The following XIRP2 variants were observed in gnomAD, a reference collection of about 807,000 sequenced individuals.
XIRP2 encodes xin actin binding repeat containing 2.
Under a neutral mutation model 277.0 loss-of-function variants are expected in XIRP2, and 236 were observed. The observed-to-expected ratio is 0.85, with a 90% CI of 0.77 to 0.95. The LOEUF (loss-of-function observed/expected upper bound fraction) is 0.95, where lower values mean the gene tolerates loss of function less well. XIRP2 is among the 40% of genes least tolerant of loss of function. The pLI is 0.00. For synonymous variants in XIRP2, 1,490 were observed against 1,416.5 expected (o/e 1.05, Z -1.17); for missense variants, 4,640 against 4,157.5 (o/e 1.12, Z -3.19).
intron 2 of XIRP2, among the ~76,000 whole-genome samples, chr2:166,908,756 A>G (rs1684610149): frequency 6.6e-6 from 1 of 152,180 alleles, no homozygotes; most frequent in African/African-American, 2.4e-5. Flanking sequence ...TAGGTCTGAC[A>G]TTTAACTCTT....
chr2:167,033,858 T>G (rs762451305), intron 2 of XIRP2, among the ~76,000 whole-genome samples: 2 of 152,082 alleles, frequency 1.3e-5, no homozygotes, highest in Non-Finnish European at 2.9e-5. Context: ...ACTAGACCAG[T>G]CCTACAGGAA....
chr2:166,900,578 A>G (rs1355417), intron 1 of XIRP2, among the ~76,000 whole-genome samples: 37,659 of 151,886 alleles, frequency 0.25, 4,829 homozygotes, highest in Admixed American at 0.3. Flanking sequence ...TTTATGTTGT[A>G]AAACTCTGCA....
chr2:167,081,921 T>A (rs1689747393), intron 2 of XIRP2, among the ~76,000 whole-genome samples: 1 of 149,768 alleles, frequency 6.7e-6, no homozygotes, highest in Admixed American at 6.8e-5. Flanking sequence ...AATCATACAC[T>A]TATATCCACT....
chr2:167,198,540 A>G (rs1463749303), intron 3 of XIRP2, among the ~76,000 whole-genome samples: 3 of 152,220 alleles, frequency 2.0e-5, no homozygotes, highest in Non-Finnish European at 4.4e-5. Context: ...TTTGGTGAGA[A>G]TAATGGTGTC....
rs770529291 is a variant in XIRP2 at position 167,249,916 on chromosome 2, G to A, written c.8524G>A (p.Glu2842Lys). 7 of 1,613,286 alleles carry A rather than the reference G, an allele frequency of 4.3e-6. No individual in the cohort carries two copies. The South Asian group carries it at 5.5e-5, about 13-fold the overall frequency. The change falls in exon 9 of 11, where the codon GAA becomes AAA. Residue 2842 changes from glutamate (E) to lysine (K), a missense_variant. Physicochemically the swap from Glu to Lys is moderately conservative, Grantham distance 56 (BLOSUM62 1). Transcript: ENST00000409195. Reference sequence around the variant, plus strand: ...GAGATTAATAACTGAAAGAAAACACGAACATCTGAAGAATAAATCAGCACC... The same window carrying A: ...GAGATTAATAACTGAAAGAAAACACAAACATCTGAAGAATAAATCAGCACC... ...EERLITERKH[E>K]HLKNKSAPKV...
rs751674887 is a variant in XIRP2, at chr2:167,218,306, A to G, written c.858+6A>G. 2.0e-6 allele frequency: 3 copies of G among 1,491,316 alleles called. No homozygotes were observed. Among genetic ancestry groups the G allele is most frequent in the South Asian group, 2.9e-5 (2 of 69,616 alleles). 92.4% of individuals were successfully genotyped at this position (1,491,316 alleles called of 1,614,324 possible). A position where few individuals can be genotyped will look rare whatever the true frequency, so the allele number is the denominator to read the frequency against. On this transcript the variant is annotated splice_donor_region_variant and intron_variant, in intron 5 of 10. Coordinates refer to ENST00000409195, the MANE Select transcript of XIRP2 (RefSeq NM_152381.6). ...ATCAGAACAGATCTGAGCAGGTAAT[A>G]CTACTACAGGTGATGGGTAAATCAG...
chr2:167,154,251 G>T (rs1480194794), intron 3 of XIRP2, among the ~76,000 whole-genome samples: 1 of 149,252 alleles, frequency 6.7e-6, no homozygotes, highest in Non-Finnish European at 1.5e-5. Context: ...TTTTTGATGG[G>T]GTTGTTTGTT....
chr2:167,034,814 G>T (rs1688467255), intron 2 of XIRP2, among the ~76,000 whole-genome samples: 2 of 152,174 alleles, frequency 1.3e-5, no homozygotes, highest in South Asian at 4.1e-4. Context: ...TAAAGAGATT[G>T]ACCTGATATG....
At chr2:167,108,559 T>C (rs924690620) in intron 2 of XIRP2, among the ~76,000 whole-genome samples, 9 of 152,228 alleles carry the variant, frequency 5.9e-5, no homozygotes, top group Middle Eastern at 3.4e-3. Flanking sequence ...TTCAGTTGAA[T>C]GTATTTTTTA....
chr2:167,248,055 T>G lies in XIRP2; in HGVS notation c.6663T>G (p.Asn2221Lys). The G allele has an allele frequency of 3.1e-6, 5 of 1,613,582 alleles. 1 individual carries two copies. In the South Asian group the frequency reaches 5.5e-5, roughly 18 times the overall value. Residue 2221 changes from asparagine (N) to lysine (K), a missense_variant, in exon 9 of 11, where the codon AAT (asparagine) becomes AAG (lysine). Physicochemically the swap from Asn to Lys is moderately conservative, Grantham distance 94 (BLOSUM62 0). Coordinates refer to ENST00000409195, the MANE Select transcript of XIRP2 (RefSeq NM_152381.6). ...QLLPVEQDTS[N>K]VTEMKVSEKS... ...TGCCTGTAGAGCAAGACACATCCAA[T>G]GTAACAGAAATGAAAGTCTCTGAAA...
rs751722160 is a variant in XIRP2 at position 167,246,346 on chromosome 2, G to C, written c.4954G>C (p.Glu1652Gln). 6.2e-7 allele frequency: 1 copy of C among 1,612,746 alleles called. No homozygotes were observed. Among genetic ancestry groups the C allele is most frequent in the African/African-American group, 1.3e-5 (1 of 74,778 alleles). ...NRSTEFHAEK[E>Q]EIVKGDVQQA... ...ATCAACTGAATTTCATGCTGAAAAAGAAGAGATAGTGAAAGGTGATGTACA... is the reference window on the plus strand; with the variant it reads ...ATCAACTGAATTTCATGCTGAAAAACAAGAGATAGTGAAAGGTGATGTACA... Residue 1652 changes from glutamate (E) to glutamine (Q), a missense_variant, in exon 9 of 11, where the codon GAA (glutamate) becomes CAA (glutamine). By Grantham distance (29) the Glu-to-Gln change is conservative. Coordinates refer to ENST00000409195, the MANE Select transcript of XIRP2 (RefSeq NM_152381.6).
chr2:167,251,133 T>C lies in XIRP2; in HGVS notation c.9741T>C (p.Ala3247=). 6.2e-7 allele frequency: 1 copy of C among 1,613,506 alleles called. No individual in the cohort carries two copies. The highest frequency in any genetic ancestry group is 1.3e-5 in the African/African-American group (1 of 74,994). The change falls in exon 9 of 11, where the codon GCT becomes GCC. Residue 3247 remains alanine, a synonymous_variant. Transcript: ENST00000409195. Reference sequence around the variant, plus strand: ...CAATACCAGTAAATATAAATCATGCTGCTAGTGGTTCCTTCAGAGAATCTG... The same window carrying C: ...CAATACCAGTAAATATAAATCATGCCGCTAGTGGTTCCTTCAGAGAATCTG... ...TITIPVNINH[A]ASGSFRESVD... is the part of the protein sequence containing the mutation.
In XIRP2 at chr2:167,251,633, C is replaced by T; in HGVS notation, c.10241C>T (p.Ser3414Phe). 1.2e-6 allele frequency: 2 copies of T among 1,613,492 alleles called. No individual in the cohort carries two copies. Among genetic ancestry groups the T allele is most frequent in the Non-Finnish European group, 1.7e-6 (2 of 1,179,642 alleles). Residue 3414 changes from serine (S) to phenylalanine (F), a missense_variant, in exon 9 of 11, where the codon TCT (serine) becomes TTT (phenylalanine). Physicochemically the swap from Ser to Phe is radical, Grantham distance 155. Transcript: ENST00000409195. The part of the protein sequence containing the change: ...KQPRICSETR[S>F]LSEHFSGMDA... Reference sequence around the variant, plus strand: ...CCCAGGATCTGCTCTGAAACCAGGTCTCTAAGTGAACATTTCTCAGGCATG... The same window carrying T: ...CCCAGGATCTGCTCTGAAACCAGGTTTCTAAGTGAACATTTCTCAGGCATG...
intron 3 of XIRP2, among the ~76,000 whole-genome samples, chr2:167,161,192 T>C (rs1044140031): frequency 2.6e-5 from 4 of 152,162 alleles, no homozygotes; most frequent in Non-Finnish European, 5.9e-5. Context: ...CAGGCTGGTG[T>C]TGAGTGTCTG....
At chr2:167,096,422 A>G (rs1690319515) in intron 2 of XIRP2, among the ~76,000 whole-genome samples, 1 of 151,744 alleles carries the variant, frequency 6.6e-6, no homozygotes, top group Non-Finnish European at 1.5e-5. Context: ...TATTGTGTCT[A>G]TTTGATTCTT....
At chr2:167,176,127 G>A (rs556425303) in intron 3 of XIRP2, among the ~76,000 whole-genome samples, 7 of 152,244 alleles carry the variant, frequency 4.6e-5, no homozygotes, top group African/African-American at 1.2e-4. Context: ...GGGAGTGAAC[G>A]GTTCTGTCTC....
intron 3 of XIRP2, among the ~76,000 whole-genome samples, chr2:167,161,373 GA>G (rs199669542): frequency 0.013 from 1,910 of 152,346 alleles, 34 homozygotes; most frequent in South Asian, 0.062. Flanking sequence ...GGTTCCGCAT[GA>G]GAGCACTGCC....
chr2:167,240,730 G>A lies in XIRP2; in HGVS notation c.1036G>A (p.Glu346Lys). 6.2e-7 allele frequency: 1 copy of A among 1,613,302 alleles called. No homozygotes were observed. Among genetic ancestry groups the A allele is most frequent in the Non-Finnish European group, 8.5e-7 (1 of 1,179,368 alleles). Residue 346 changes from glutamate (E) to lysine (K), a missense_variant, in exon 7 of 11, where the codon GAA becomes AAA. Transcript: ENST00000409195. Reference sequence around the variant, plus strand: ...ATCTCAGTTTCATCAATATGTTCAAGAAACTGGTAAGAGTCTGGTATTATT... The same window carrying A: ...ATCTCAGTTTCATCAATATGTTCAAAAAACTGGTAAGAGTCTGGTATTATT... ...QASQFHQYVQ[E>K]TVIDTPEDEE...
chr2:167,078,261 G>C (rs1689625665), intron 2 of XIRP2, among the ~76,000 whole-genome samples: 1 of 152,098 alleles, frequency 6.6e-6, no homozygotes, highest in Non-Finnish European at 1.5e-5. Context: ...TTGCATTCTT[G>C]ATTTAGCTCT....
Sources: allele counts gnomAD v4.1 joint callset (sites outside exome capture counted in the v4.1 genomes callset), GRCh38; gene constraint gnomAD v4.1.1; transcripts MANE v1.5; gene names NCBI Gene and HGNC (gene_info 2026-07-23, HGNC 2026-07-21).